CARS1: variants seen among roughly 807,000 people sequenced by gnomAD.
CARS1 encodes the protein cysteinyl-tRNA synthetase 1.
A neutral mutation model predicts 106.2 loss-of-function variants in CARS1; 48 were observed. The ratio of observed to expected loss-of-function variants is 0.45; its 90% CI spans 0.36 to 0.57. The LOEUF is 0.57. CARS1 is among the 20% of genes least tolerant of loss of function. The pLI is 0.00. For missense variants in CARS1, 968 were observed against 1,057.2 expected (o/e 0.92, Z 1.17); for synonymous variants, 409 against 403.4 (o/e 1.01, Z -0.17).
rs12146489 is a variant in CARS1 at position 3,003,634 on chromosome 11, C to T, written c.2218-1034G>A. ...AGGATGGGGCTGGGGCCAACAGGAT[C>T]GAGCTCTTTCGAGATAGATGGAGGG... On this transcript the variant is annotated intron_variant, in intron 20 of 22. Transcript: ENST00000380525. The surrounding 1 kb of genome is among the most constrained non-coding windows in gnomAD (Gnocchi z 4.8). 4.8e-3 allele frequency among the ~76,000 whole-genome samples: 730 copies of T among 152,156 alleles called. 5 individuals carry two copies. Among genetic ancestry groups the T allele is most frequent in the Non-Finnish European group, 8.4e-3 (573 of 67,994 alleles).
chr11:3,029,376 G>T lies in CARS1; in HGVS notation c.869C>A (p.Thr290Asn), dbSNP rs760542506. 71 of 1,613,886 alleles carry T rather than the reference G, an allele frequency of 4.4e-5. No homozygotes were observed. The highest frequency in any genetic ancestry group is 5.4e-5 in the Non-Finnish European group (64 of 1,179,882). Residue 290 changes from threonine to asparagine, a missense_variant, in exon 8 of 23, where the codon ACT becomes AAT. Thr to Asn is a moderately conservative substitution (Grantham distance 65). Transcript: ENST00000380525. This position sits in a 1 kb window ranked among gnomAD's most constrained non-coding sequence, Gnocchi z 5.9. The part of the protein sequence containing the change: ...WLDSTLGCDV[T>N]DNSIFSKLPK... The stretch of plus-strand genomic sequence containing the variant: ...CAGCTTGGAGAAGATGGAATTGTCA[G>T]TGACATCACAGCCAAGTGTAGAATC...
intron 2 of CARS1, 25 bp from the exon 3 acceptor site, chr11:3,042,281 A>G (rs771501146): frequency 5.0e-6 from 8 of 1,585,220 alleles, no homozygotes; most frequent in Non-Finnish European, 5.2e-6. Flanking sequence ...GAGCAGGATC[A>G]GGGTCCAGGG....
chr11:3,019,007 C>T lies in CARS1; in HGVS notation c.1395+132G>A. 2 of 1,162,418 alleles carry T rather than the reference C, an allele frequency of 1.7e-6. No individual in the cohort carries two copies. Among genetic ancestry groups the T allele is most frequent in the Non-Finnish European group, 1.2e-6 (1 of 827,358 alleles). 72.0% of individuals were successfully genotyped at this position (1,162,418 alleles called of 1,614,324 possible). ...CACTAAATGATCAGGGTTCAGATTC[C>T]ACCCACAAGCCCCGATGAAGGTGTC... On this transcript the variant is annotated intron_variant, in intron 12 of 22. Transcript: ENST00000380525. This position sits in a 1 kb window ranked among gnomAD's most constrained non-coding sequence, Gnocchi z 6.2.
In CARS1 at chr11:3,008,445, C is replaced by G. The variant is rs145046243; in HGVS notation, c.2069-1486G>C. 4,122 of 152,116 alleles carry G rather than the reference C, an allele frequency of 0.027. 126 individuals are homozygous for G. Among genetic ancestry groups the G allele is most frequent in the South Asian group, 0.12 (589 of 4,828 alleles). 9.4% of individuals were successfully genotyped at this position (152,116 alleles called of 1,614,324 possible). A position where few individuals can be genotyped will look rare whatever the true frequency, so the allele number is the denominator to read the frequency against. ...ACCATCCTGGCCAACATGGTGAAAC[C>G]CCATCTCTACTAAAAATACAAAAAC... On this transcript the variant is annotated intron_variant, in intron 18 of 22. Coordinates refer to ENST00000380525, the MANE Select transcript of CARS1 (RefSeq NM_001014437.3). This position sits in a 1 kb window ranked among gnomAD's most constrained non-coding sequence, Gnocchi z 5.1.
rs1485973791 is a variant in CARS1 at position 3,034,370 on chromosome 11, G to A, written c.801+3680C>T. 1.3e-5 allele frequency among the ~76,000 whole-genome samples: 2 copies of A among 151,742 alleles called. No individual in the cohort carries two copies. Among genetic ancestry groups the A allele is most frequent in the East Asian group, 1.9e-4 (1 of 5,180 alleles). On this transcript the variant is annotated intron_variant, in intron 7 of 22. Coordinates refer to ENST00000380525, the MANE Select transcript of CARS1 (RefSeq NM_001014437.3). The surrounding 1 kb of genome is among the most constrained non-coding windows in gnomAD (Gnocchi z 6.3). ...AGAGTAGCTGGGATTACAGACGCGC[G>A]CCACCACATTTGGCTAATTTTTGTA...
intron 22 of CARS1, 142 bp from the exon 23 acceptor site, chr11:3,001,390 G>A: frequency 4.3e-6 from 4 of 937,144 alleles, no homozygotes; most frequent in Non-Finnish European, 6.4e-6. Flanking sequence ...TCACCACACT[G>A]CTCTGGAGCC....
rs1853255043 is a variant in CARS1, at chr11:3,034,145, A to C, written c.801+3905T>G. 6.6e-6 allele frequency among the ~76,000 whole-genome samples: 1 copy of C among 152,156 alleles called. No homozygotes were observed. The highest frequency in any genetic ancestry group is 1.5e-5 in the Non-Finnish European group (1 of 68,034). On this transcript the variant is annotated intron_variant, in intron 7 of 22. Coordinates refer to ENST00000380525, the MANE Select transcript of CARS1 (RefSeq NM_001014437.3). This position sits in a 1 kb window ranked among gnomAD's most constrained non-coding sequence, Gnocchi z 6.3. ...ACACAAACACATGCCAACATGTAACAGAGATGAATTCGTGTCTTAGTCTGT... is the reference window on the plus strand; with the variant it reads ...ACACAAACACATGCCAACATGTAACCGAGATGAATTCGTGTCTTAGTCTGT...
At position 3,047,202 on chromosome 11, in the gene CARS1, G is replaced by A. The variant is rs575913527; in HGVS notation, c.274+551C>T. 4.2e-3 allele frequency among the ~76,000 whole-genome samples: 632 copies of A among 151,454 alleles called. 13 individuals carry two copies. The highest frequency in any genetic ancestry group is 1.9e-3 in the East Asian group (10 of 5,138). On this transcript the variant is annotated intron_variant, in intron 2 of 22. Transcript: ENST00000380525. Reference sequence around the variant, plus strand: ...TGAGGCAGGAGAATGGCATGAACCCGGGAGGTGGAGCTTGCAGTGAGTGGA... The same window carrying A: ...TGAGGCAGGAGAATGGCATGAACCCAGGAGGTGGAGCTTGCAGTGAGTGGA...
In CARS1 at chr11:3,046,867, G is replaced by A. The variant is rs1033159055; in HGVS notation, c.274+886C>T. Among the ~76,000 whole-genome samples, 2 of 152,184 alleles carry A rather than the reference G, an allele frequency of 1.3e-5. No homozygotes were observed. The highest frequency in any genetic ancestry group is 4.8e-5 in the African/African-American group (2 of 41,440). On this transcript the variant is annotated intron_variant, in intron 2 of 22. Coordinates refer to ENST00000380525, the MANE Select transcript of CARS1 (RefSeq NM_001014437.3). This position sits in a 1 kb window ranked among gnomAD's most constrained non-coding sequence, Gnocchi z 5.8. ...ACAAAGCCATGCAGGCATCCCAGGAGTATCTCCCGCAAATAACCACAGGCA... is the reference window on the plus strand; with the variant it reads ...ACAAAGCCATGCAGGCATCCCAGGAATATCTCCCGCAAATAACCACAGGCA...
Position 3,018,827 on chromosome 11 carries a change from C to T in CARS1, c.1396-78G>A, listed in dbSNP as rs1590372626. 5.2e-6 allele frequency: 8 copies of T among 1,533,992 alleles called. No individual in the cohort carries two copies. The East Asian group carries it at 1.6e-4, about 31-fold the overall frequency. Reference sequence around the variant, plus strand: ...TCCTGCCACCTGCACTGTCTGCTGCCTTGTTGGTGCTGTCCACAGGCAGGA... The same window carrying T: ...TCCTGCCACCTGCACTGTCTGCTGCTTTGTTGGTGCTGTCCACAGGCAGGA... On this transcript the variant is annotated intron_variant, in intron 12 of 22. Coordinates refer to ENST00000380525, the MANE Select transcript of CARS1 (RefSeq NM_001014437.3).
chr11:3,057,272 C>G, intron 1 of CARS1, 71 bp downstream of exon 1: 2 of 1,385,626 alleles, frequency 1.4e-6, no homozygotes, highest in Non-Finnish European at 2.0e-6. Flanking sequence ...ACTCGCTGCC[C>G]TTCGAGCCGA....
chr11:3,012,884 CTTTTTTTTTT>C (rs768906268), intron 17 of CARS1, among the ~76,000 whole-genome samples: 1 of 116,930 alleles, frequency 8.6e-6, no homozygotes, highest in African/African-American at 3.6e-5. Context: ...CTATATTTCC[CTTTTTTTTTT>C]TTTTTTTTTT....
In CARS1 at chr11:3,039,274, G is replaced by T. The variant is rs1854098388; in HGVS notation, c.571C>A (p.Gln191Lys). 2 of 1,612,672 alleles carry T rather than the reference G, an allele frequency of 1.2e-6. No individual in the cohort carries two copies. The highest frequency in any genetic ancestry group is 4.5e-5 in the East Asian group (2 of 44,874). ...IDDKIIKRAR[Q>K]NHLFEQYREK... Reference sequence around the variant, plus strand: ...CGATACTGCTCGAACAGGTGGTTCTGCCGGGCCCTCTTGATGATCTGGGGA... The same window carrying T: ...CGATACTGCTCGAACAGGTGGTTCTTCCGGGCCCTCTTGATGATCTGGGGA... The change falls in exon 6 of 23, where the codon CAG (glutamine) becomes AAG (lysine). Residue 191 changes from glutamine (Q) to lysine (K), a missense_variant. Physicochemically the swap from Gln to Lys is moderately conservative, Grantham distance 53 (BLOSUM62 1). Coordinates refer to ENST00000380525, the MANE Select transcript of CARS1 (RefSeq NM_001014437.3). The surrounding 1 kb of genome is among the most constrained non-coding windows in gnomAD (Gnocchi z 5.6).
At chr11:3,002,738 T>A in intron 20 of CARS1, 138 bp from the exon 21 acceptor site, 2 of 1,397,010 alleles carry the variant, frequency 1.4e-6, no homozygotes, top group Non-Finnish European at 1.9e-6. Flanking sequence ...CCCTCCCCAC[T>A]GTGGGGAGAC....
Position 3,037,711 on chromosome 11 carries a change from C to T in CARS1, c.801+339G>A, listed in dbSNP as rs1014134404. Reference sequence around the variant, plus strand: ...TTCTCCAGCTGGTGTGGGGAGAGTCCGCTGGAGAATCTTGGAACACTTCGA... The same window carrying T: ...TTCTCCAGCTGGTGTGGGGAGAGTCTGCTGGAGAATCTTGGAACACTTCGA... On this transcript the variant is annotated intron_variant, in intron 7 of 22. Transcript: ENST00000380525. The surrounding 1 kb of genome is among the most constrained non-coding windows in gnomAD (Gnocchi z 5.9). 7.2e-5 allele frequency among the ~76,000 whole-genome samples: 11 copies of T among 152,284 alleles called. 1 individual carries two copies. The South Asian group carries it at 8.3e-4, about 12-fold the overall frequency.
intron 10 of CARS1, among the ~76,000 whole-genome samples, chr11:3,026,376 C>T (rs1413312598): frequency 6.6e-6 from 1 of 152,198 alleles, no homozygotes; most frequent in Non-Finnish European, 1.5e-5. Flanking sequence ...AGGTAAACGT[C>T]TAAGGTGACG....
intron 18 of CARS1, chr11:3,009,138 A>G (rs1446943362): frequency 6.6e-6 from 1 of 152,312 alleles, no homozygotes; most frequent in African/African-American, 2.4e-5. Flanking sequence ...CAATGACATC[A>G]TCATCAGGGA....
rs187617446 is a variant in CARS1 at position 3,037,819 on chromosome 11, T to C, written c.801+231A>G. ...GGGAGGGTGTGGATCCCGAGTCTCCTTCCAGTGGCACAGGCTCTGCACCCA... is the reference window on the plus strand; with the variant it reads ...GGGAGGGTGTGGATCCCGAGTCTCCCTCCAGTGGCACAGGCTCTGCACCCA... On this transcript the variant is annotated intron_variant, in intron 7 of 22. Coordinates refer to ENST00000380525, the MANE Select transcript of CARS1 (RefSeq NM_001014437.3). The surrounding 1 kb of genome is among the most constrained non-coding windows in gnomAD (Gnocchi z 5.9). 5.9e-5 allele frequency among the ~76,000 whole-genome samples: 9 copies of C among 151,814 alleles called. No individual in the cohort carries two copies. Among genetic ancestry groups the C allele is most frequent in the Admixed American group, 4.6e-4 (7 of 15,252 alleles).
intron 7 of CARS1, among the ~76,000 whole-genome samples, chr11:3,032,351 G>A (rs1447899141): frequency 2.0e-5 from 3 of 152,014 alleles, no homozygotes; most frequent in Non-Finnish European, 2.9e-5. Flanking sequence ...GAGTTCAGGC[G>A]TGAGCCACCG....
Sources: allele counts gnomAD v4.1 joint callset (sites outside exome capture counted in the v4.1 genomes callset), GRCh38; gene constraint gnomAD v4.1.1; non-coding constraint Gnocchi (gnomAD v3.1); transcripts MANE v1.5; gene names NCBI Gene and HGNC (gene_info 2026-07-23, HGNC 2026-07-21).